Variants in CAMK1D observed in about 807,000 individuals in gnomAD.
The protein encoded by CAMK1D is calcium/calmodulin-dependent protein kinase type 1D.
Under a neutral mutation model 47.7 loss-of-function variants are expected in CAMK1D, and 9 were observed. The observed-to-expected ratio is 0.19, with a 90% confidence interval of 0.11 to 0.33. The LOEUF is 0.33. Among genes scored for constraint, CAMK1D ranks in the 10% least tolerant of loss-of-function variants. The pLI, the probability that CAMK1D is intolerant of heterozygous loss-of-function variation, is 1.00. For missense variants in CAMK1D, 291 were observed against 488.7 expected (o/e 0.60, Z 3.81); for synonymous variants, 184 against 184.9 (o/e 0.99, Z 0.04).
At chr10:12,614,154 GAC>G (rs752654645) in intron 2 of CAMK1D, among the ~76,000 whole-genome samples, 46 of 152,276 alleles carry the variant, frequency 3.0e-4, no homozygotes, top group Admixed American at 6.5e-4. Flanking sequence ...TAGAGCACTG[GAC>G]CTCTCTGAGT....
chr10:12,406,467 T>G (rs1839428686), intron 1 of CAMK1D, among the ~76,000 whole-genome samples: 1 of 151,906 alleles, frequency 6.6e-6, no homozygotes. Context: ...TCCCAGCACT[T>G]TGGGAGGCTG....
At chr10:12,461,559 T>G (rs935139049) in intron 1 of CAMK1D, among the ~76,000 whole-genome samples, 5 of 151,714 alleles carry the variant, frequency 3.3e-5, no homozygotes, top group Admixed American at 6.6e-5. Flanking sequence ...TGTGGTGGCG[T>G]GCACCTGTAG....
intron 2 of CAMK1D, among the ~76,000 whole-genome samples, chr10:12,568,974 T>G (rs1163136325): frequency 6.6e-6 from 1 of 152,228 alleles, no homozygotes; most frequent in Admixed American, 6.5e-5. Flanking sequence ...TGGGAAAGTT[T>G]TTTTTTCTTT....
At chr10:12,769,486 G>A (rs1254138564) in intron 4 of CAMK1D, among the ~76,000 whole-genome samples, 187 bp from the exon 5 acceptor site, 2 of 152,200 alleles carry the variant, frequency 1.3e-5, no homozygotes, top group Non-Finnish European at 2.9e-5. Context: ...GCCTGTGTGT[G>A]CCAGACACAC....
At chr10:12,405,494 T>C (rs1588449731) in intron 1 of CAMK1D, among the ~76,000 whole-genome samples, 1 of 152,336 alleles carries the variant, frequency 6.6e-6, no homozygotes, top group South Asian at 2.1e-4. Flanking sequence ...AGACTTTCTG[T>C]GTATTGACTC....
At chr10:12,657,663 A>G (rs1840156883) in intron 2 of CAMK1D, among the ~76,000 whole-genome samples, 1 of 152,200 alleles carries the variant, frequency 6.6e-6, no homozygotes, top group Admixed American at 6.5e-5. Flanking sequence ...GTTCAGATGA[A>G]GAGCCCCAGT....
At chr10:12,398,450 G>A (rs1325433170) in intron 1 of CAMK1D, among the ~76,000 whole-genome samples, 1 of 152,204 alleles carries the variant, frequency 6.6e-6, no homozygotes, top group Admixed American at 6.5e-5. Context: ...CGGAGTTCGA[G>A]TGATTCTCCT....
At chr10:12,433,097 C>T (rs141952322) in intron 1 of CAMK1D, among the ~76,000 whole-genome samples, 179 of 152,302 alleles carry the variant, frequency 1.2e-3, no homozygotes, top group African/African-American at 4.2e-3. Flanking sequence ...GGGAAAGACC[C>T]ATAAAGCACA....
chr10:12,378,028 C>G (rs1043015481), intron 1 of CAMK1D, among the ~76,000 whole-genome samples: 6 of 152,162 alleles, frequency 3.9e-5, no homozygotes, highest in African/African-American at 1.2e-4. Flanking sequence ...AGAAAGCACC[C>G]CAGGCATGCG....
intron 3 of CAMK1D, among the ~76,000 whole-genome samples, chr10:12,726,153 C>T (rs1004710580): frequency 6.6e-6 from 1 of 151,982 alleles, no homozygotes; most frequent in Non-Finnish European, 1.5e-5. Flanking sequence ...GGGCCGGGTG[C>T]AGTGGCTCAT....
In CAMK1D at chr10:12,491,033, A is replaced by G. The variant is rs74399499; in HGVS notation, c.93-62192A>G. 5.2e-3 allele frequency among the ~76,000 whole-genome samples: 796 copies of G among 152,288 alleles called. 5 individuals are homozygous for G. Among genetic ancestry groups the G allele is most frequent in the South Asian group, 0.021 (99 of 4,826 alleles). On this transcript the variant is annotated intron_variant, in intron 1 of 10. Coordinates refer to ENST00000619168, the MANE Select transcript of CAMK1D (RefSeq NM_153498.4). ...GAATTTCTATGAAGGAAAATAAGGA[A>G]AATGGTTCTGTGCAGATGCTGGGGA...
chr10:12,367,968 G>C (rs1367665190), intron 1 of CAMK1D, among the ~76,000 whole-genome samples: 1 of 152,064 alleles, frequency 6.6e-6, no homozygotes, highest in East Asian at 1.9e-4. Flanking sequence ...CGAGGCGGGT[G>C]GATCACGAGG....
At chr10:12,473,081 T>C (rs1833796862) in intron 1 of CAMK1D, among the ~76,000 whole-genome samples, 1 of 152,062 alleles carries the variant, frequency 6.6e-6, no homozygotes, top group Non-Finnish European at 1.5e-5. Flanking sequence ...TAGAGTTTGC[T>C]GGGCCAATGT....
At chr10:12,500,598 G>A (rs918421340) in intron 1 of CAMK1D, among the ~76,000 whole-genome samples, 2 of 152,238 alleles carry the variant, frequency 1.3e-5, no homozygotes, top group Admixed American at 6.5e-5. Context: ...GAAAAGATCA[G>A]ATTATGAAGC....
intron 8 of CAMK1D, among the ~76,000 whole-genome samples, chr10:12,817,062 T>C (rs910546995): frequency 1.4e-4 from 21 of 151,980 alleles, no homozygotes; most frequent in Admixed American, 9.8e-4. Flanking sequence ...AGGGGAACAC[T>C]CCTCTACAAA....
At chr10:12,695,848 G>A (rs1833271845) in intron 3 of CAMK1D, among the ~76,000 whole-genome samples, 1 of 152,148 alleles carries the variant, frequency 6.6e-6, no homozygotes, top group African/African-American at 2.4e-5. Context: ...GCAGGCCGAG[G>A]CGGGTGGATC....
intron 1 of CAMK1D, among the ~76,000 whole-genome samples, chr10:12,501,446 G>A (rs1372612004): frequency 6.6e-6 from 1 of 152,146 alleles, no homozygotes; most frequent in East Asian, 1.9e-4. Context: ...CTGTTCTGCC[G>A]GATTGCCATG....
At chr10:12,557,124 G>A (rs1564410180) in intron 2 of CAMK1D, among the ~76,000 whole-genome samples, 1 of 152,206 alleles carries the variant, frequency 6.6e-6, no homozygotes, top group Admixed American at 6.5e-5. Flanking sequence ...GGCAGGTCAA[G>A]AGTCTGGACA....
At chr10:12,711,474 T>C (rs756474817) in intron 3 of CAMK1D, among the ~76,000 whole-genome samples, 2 of 152,210 alleles carry the variant, frequency 1.3e-5, no homozygotes, top group African/African-American at 4.8e-5. Flanking sequence ...ATTCCTGCCT[T>C]TTGGAGTTTC....
Sources: gnomAD v4.1 joint callset for allele counts (sites outside exome capture counted in the v4.1 genomes callset) on GRCh38, gnomAD v4.1.1 for gene constraint, MANE v1.5 for transcripts, NCBI Gene and HGNC (gene_info 2026-07-23, HGNC 2026-07-21) for gene names.